The following ZC3H11A variants were observed in gnomAD, a reference collection of about 807,000 sequenced individuals.
ZC3H11A encodes zinc finger CCCH-type containing 11A.
A neutral mutation model predicts 90.8 loss-of-function variants in ZC3H11A; 22 were observed. The ratio of observed to expected loss-of-function variants is 0.24; its 90% confidence interval spans 0.17 to 0.35. ZC3H11A has a LOEUF of 0.35. Ranked by LOEUF, ZC3H11A falls within the 10% of genes least tolerant of loss-of-function variation. The probability of loss-of-function intolerance (pLI) is 1.00; values close to 1 mark genes in which losing one functional copy is unlikely to be tolerated. For synonymous variants in ZC3H11A, 294 were observed against 339.8 expected, an observed-to-expected ratio of 0.87 and a Z score of 1.48; for missense variants, 701 against 964.9, an observed-to-expected ratio of 0.73 and a Z score of 3.62.
Position 203,850,673 on chromosome 1 carries a change from G to A in ZC3H11A, c.2098G>A (p.Ala700Thr). 6.2e-7 allele frequency: 1 copy of A among 1,613,892 alleles called. No homozygotes were observed. Among genetic ancestry groups the A allele is most frequent in the Non-Finnish European group, 8.5e-7 (1 of 1,179,864 alleles). Reference protein sequence around the residue: ...SVLQEPPAKKAAVAVVPLVSE... With the variant: ...SVLQEPPAKKTAVAVVPLVSE... Reference sequence around the variant, plus strand: ...CCTACAGGAACCCCCAGCCAAAAAGGCAGCTGTGGTAAGAAGTATATTCAC... The same window carrying A: ...CCTACAGGAACCCCCAGCCAAAAAGACAGCTGTGGTAAGAAGTATATTCAC... Residue 700 changes from alanine to threonine, a missense_variant, in exon 16 of 18, where the codon GCA (alanine) becomes ACA (threonine). Transcript: ENST00000367210.
rs2102753859 is a variant in ZC3H11A at position 203,816,254 on chromosome 1, A to G, written c.-145-672A>G. ...GTAACCTAAGTCCCATTAATAATCT[A>G]AAATGTATGTAGTCTTTTGAGACTT... is the stretch of plus-strand genomic sequence containing the variant. On this transcript the variant is annotated intron_variant, in intron 2 of 17. Coordinates refer to ENST00000367210, the MANE Select transcript of ZC3H11A (RefSeq NM_001376342.1). Among the ~76,000 whole-genome samples, 2 of 152,340 alleles carry G rather than the reference A, an allele frequency of 1.3e-5. 1 individual carries two copies. The highest frequency in any genetic ancestry group is 4.1e-4 in the South Asian group (2 of 4,832).
At chr1:203,846,594 T>A (rs1268323007) in intron 12 of ZC3H11A, among the ~76,000 whole-genome samples, 1 of 152,234 alleles carries the variant, frequency 6.6e-6, no homozygotes. Context: ...GTAAATTACA[T>A]GTGGACAGAG....
chr1:203,817,948 C>A (rs1039203472), intron 3 of ZC3H11A, among the ~76,000 whole-genome samples: 1 of 151,928 alleles, frequency 6.6e-6, no homozygotes, highest in African/African-American at 2.4e-5. Context: ...CAGGGTTTCA[C>A]GTGTTGGCCA....
At chr1:203,796,290 C>T (rs1668475768) in intron 1 of ZC3H11A, 1 of 397,250 alleles carries the variant, frequency 2.5e-6, no homozygotes, top group Non-Finnish European at 4.4e-6. Context: ...CATTCCTCTC[C>T]AGGGTCCCGG....
rs1572170723 is a variant in ZC3H11A, at chr1:203,829,320, C to T, written c.299-131C>T. The stretch of plus-strand genomic sequence containing the variant: ...CTTTTCCCTCCCTGGGACTTTAGAA[C>T]TTAAATGAGGAAATTTAGTATAAAT... On this transcript the variant is annotated intron_variant, in intron 5 of 17. Transcript: ENST00000367210. The T allele has an allele frequency of 1.4e-5, 13 of 916,116 alleles. No homozygotes were observed. The East Asian group carries it at 2.6e-4, about 18-fold the overall frequency. 56.7% of individuals were successfully genotyped at this position (916,116 alleles called of 1,614,324 possible).
At chr1:203,842,073 A>G (rs973029327) in intron 12 of ZC3H11A, among the ~76,000 whole-genome samples, 7 of 148,890 alleles carry the variant, frequency 4.7e-5, no homozygotes, top group South Asian at 2.1e-4. Context: ...CTCACTTCCT[A>G]GACGGGATGG....
intron 2 of ZC3H11A, among the ~76,000 whole-genome samples, chr1:203,815,341 G>A (rs1319521600): frequency 7.3e-6 from 1 of 137,268 alleles, no homozygotes; most frequent in Admixed American, 7.6e-5. Flanking sequence ...CAGCTCCCCC[G>A]TGTAGCTGGG....
intron 8 of ZC3H11A, 83 bp downstream of exon 8, chr1:203,830,286 T>C: frequency 9.6e-7 from 1 of 1,042,020 alleles, no homozygotes; most frequent in Non-Finnish European, 1.4e-6. Flanking sequence ...ACAGCCAAAA[T>C]GAGCAAATAG....
At chr1:203,806,310 T>C in intron 2 of ZC3H11A, 2 of 216,888 alleles carry the variant, frequency 9.2e-6, no homozygotes, top group South Asian at 1.1e-4. Context: ...TCTTTTTCCT[T>C]TTTTTTTTTG....
chr1:203,821,282 C>T (rs570859807), intron 4 of ZC3H11A, among the ~76,000 whole-genome samples: 11 of 152,300 alleles, frequency 7.2e-5, no homozygotes, highest in African/African-American at 2.6e-4. Flanking sequence ...GAAGCCTCCC[C>T]AGCCATGCAG....
At chr1:203,843,005 G>C (rs1178561313) in intron 12 of ZC3H11A, among the ~76,000 whole-genome samples, 2 of 150,566 alleles carry the variant, frequency 1.3e-5, no homozygotes, top group African/African-American at 4.9e-5. Context: ...TATGAATGCT[G>C]TTAGCCACCT....
intron 2 of ZC3H11A, chr1:203,806,211 A>G (rs886181131): frequency 1.2e-5 from 5 of 423,542 alleles, no homozygotes; most frequent in African/African-American, 1.0e-4. Context: ...CAATGCAGTC[A>G]TTCAGGCTGG....
chr1:203,850,438 GA>G, intron 15 of ZC3H11A, 76 bp from the exon 16 acceptor site: 9 of 1,564,702 alleles, frequency 5.8e-6, no homozygotes, highest in Non-Finnish European at 7.9e-6. Flanking sequence ...AAGGAGTTTT[GA>G]TATTTTATTC....
chr1:203,828,280 G>T lies in ZC3H11A; in HGVS notation c.175-19G>T. The stretch of plus-strand genomic sequence containing the variant: ...TATCACTGTTTTATTTGAAAGCAAT[G>T]TGTTTTTCCCTCTTACAGAAAAAAC... On this transcript the variant is annotated intron_variant, in intron 4 of 17. Transcript: ENST00000367210. 6.2e-7 allele frequency: 1 copy of T among 1,613,802 alleles called. No individual in the cohort carries two copies. The highest frequency in any genetic ancestry group is 8.5e-7 in the Non-Finnish European group (1 of 1,179,842).
intron 10 of ZC3H11A, among the ~76,000 whole-genome samples, chr1:203,835,035 T>G (rs1683815030): frequency 6.6e-6 from 1 of 152,240 alleles, no homozygotes; most frequent in Non-Finnish European, 1.5e-5. Context: ...CTATCTCTAT[T>G]TTGTGTTGTC....
At chr1:203,832,381 G>A (rs1015308835) in intron 9 of ZC3H11A, among the ~76,000 whole-genome samples, 4 of 149,430 alleles carry the variant, frequency 2.7e-5, no homozygotes, top group Non-Finnish European at 4.4e-5. Context: ...TTTTTTTTTA[G>A]ATGGAGTCTT....
chr1:203,822,009 G>A (rs147506895), intron 4 of ZC3H11A, among the ~76,000 whole-genome samples: 2,572 of 152,058 alleles, frequency 0.017, 69 homozygotes, highest in African/African-American at 0.054. Context: ...CGCCCGCCTT[G>A]GCCTCCCAAA....
intron 12 of ZC3H11A, among the ~76,000 whole-genome samples, chr1:203,846,240 A>G (rs1185873085): frequency 1.3e-5 from 2 of 151,320 alleles, no homozygotes; most frequent in African/African-American, 4.9e-5. Flanking sequence ...TTTATTTCAT[A>G]GCACTATCTC....
chr1:203,798,253 G>T, intron 1 of ZC3H11A: 1 of 1,536,136 alleles, frequency 6.5e-7, no homozygotes, highest in Non-Finnish European at 8.7e-7. Context: ...AGGGCAGAAA[G>T]AGGGAGATTT....
Sources: allele counts gnomAD v4.1 joint callset (sites outside exome capture counted in the v4.1 genomes callset), GRCh38; gene constraint gnomAD v4.1.1; transcripts MANE v1.5; gene names NCBI Gene and HGNC (gene_info 2026-07-23, HGNC 2026-07-21).